Variants in HK1 observed in about 807,000 individuals in gnomAD.
HK1 encodes hexokinase-1.
A neutral mutation model predicts 91.6 loss-of-function variants in HK1; 28 were observed. The ratio of observed to expected loss-of-function variants is 0.31; its 90% CI spans 0.23 to 0.42. The LOEUF (loss-of-function observed/expected upper bound fraction) is 0.42, where lower values mean the gene tolerates loss of function less well. Among genes scored for constraint, HK1 ranks in the 10% least tolerant of loss-of-function variants. HK1 has a pLI of 1.00. For synonymous variants in HK1, 430 were observed against 468.1 expected (o/e 0.92, Z 1.05); for missense variants, 770 against 1,219.8 (o/e 0.63, Z 5.49).
At chr10:69,281,254 G>A (rs991736783) in intron 1 of HK1, among the ~76,000 whole-genome samples, 1 of 152,198 alleles carries the variant, frequency 6.6e-6, no homozygotes, top group Admixed American at 6.5e-5. Flanking sequence ...AAGGGCCCAA[G>A]AATGTGCATT....
At chr10:69,367,293 C>T (rs1270701614) in intron 4 of HK1, among the ~76,000 whole-genome samples, 1 of 152,168 alleles carries the variant, frequency 6.6e-6, no homozygotes, top group African/African-American at 2.4e-5. Context: ...ATCCAGAGGC[C>T]TGTGCATGTT....
In HK1 at chr10:69,377,036, G is replaced by A. The variant is rs150869156; in HGVS notation, c.978G>A (p.Pro326=). The change falls in exon 8 of 18, where the codon CCG becomes CCA. Residue 326 remains proline (P), a synonymous_variant. Coordinates refer to ENST00000359426, the MANE Select transcript of HK1 (RefSeq NM_000188.3). The stretch of plus-strand genomic sequence containing the variant: ...TCTTATTTGAAGGGCGGATCACCCC[G>A]GAGCTGCTCACCCGAGGGAAGTTTA... The part of the protein sequence containing the change: ...EGLLFEGRIT[P]ELLTRGKFNT... The A allele has an allele frequency of 4.1e-5, 66 of 1,614,034 alleles. No homozygotes were observed. The highest frequency in any genetic ancestry group is 5.2e-5 in the Non-Finnish European group (61 of 1,180,034).
chr10:69,329,017 A>G (rs529079675), intron 1 of HK1, among the ~76,000 whole-genome samples: 1 of 152,210 alleles, frequency 6.6e-6, no homozygotes, highest in Non-Finnish European at 1.5e-5. Flanking sequence ...ATGCTATTCC[A>G]TTGTATTTAT....
intron 17 of HK1, among the ~76,000 whole-genome samples, chr10:69,399,156 T>G (rs917004911): frequency 2.0e-5 from 3 of 152,116 alleles, no homozygotes; most frequent in Non-Finnish European, 4.4e-5. Flanking sequence ...GGCTCACTCA[T>G]AAGCCTGGTG....
chr10:69,275,354 C>T (rs1844384853), intron 1 of HK1, among the ~76,000 whole-genome samples: 1 of 151,134 alleles, frequency 6.6e-6, no homozygotes, highest in African/African-American at 2.4e-5. Flanking sequence ...GACCCCATCT[C>T]TACTAGATTA....
At chr10:69,364,698 G>A (rs776063917) in intron 3 of HK1, 85 bp from the exon 4 acceptor site, 1 of 1,510,702 alleles carries the variant, frequency 6.6e-7, no homozygotes, top group Admixed American at 1.7e-5. Context: ...TCCTTTCTGT[G>A]TGTGTGGGAG....
rs949892742 is a variant in HK1, at chr10:69,378,316, A to G, written c.1031+1227A>G. On this transcript the variant is annotated intron_variant, in intron 8 of 17. Coordinates refer to ENST00000359426, the MANE Select transcript of HK1 (RefSeq NM_000188.3). The stretch of plus-strand genomic sequence containing the variant: ...TTATAATAAAGGCTATCTCAAAAAA[A>G]AAAAAACTATAAAAACATCCTACAA... 2.6e-5 allele frequency among the ~76,000 whole-genome samples: 4 copies of G among 152,182 alleles called. No individual in the cohort carries two copies. The East Asian group carries it at 7.7e-4, about 29-fold the overall frequency.
In HK1 at chr10:69,368,530, T is replaced by C. The variant is rs771812049; in HGVS notation, c.496-6T>C. 1.2e-6 allele frequency: 2 copies of C among 1,613,756 alleles called. No individual in the cohort carries two copies. Among genetic ancestry groups the C allele is most frequent in the Non-Finnish European group, 1.7e-6 (2 of 1,179,648 alleles). Reference sequence around the variant, plus strand: ...CTCATCCAGCCCCATCCATTCTTCTTTGCAGGCCATCCTGATCACCTGGAC... The same window carrying C: ...CTCATCCAGCCCCATCCATTCTTCTCTGCAGGCCATCCTGATCACCTGGAC... On this transcript the variant is annotated splice_polypyrimidine_tract_variant and splice_region_variant and intron_variant, in intron 4 of 17. Coordinates refer to ENST00000359426, the MANE Select transcript of HK1 (RefSeq NM_000188.3).
At chr10:69,279,264 C>G (rs961059535) in intron 1 of HK1, among the ~76,000 whole-genome samples, 1 of 152,176 alleles carries the variant, frequency 6.6e-6, no homozygotes, top group Non-Finnish European at 1.5e-5. Context: ...TCTCTCTGCC[C>G]TCTTCCTCAT....
intron 1 of HK1, among the ~76,000 whole-genome samples, chr10:69,337,567 G>T (rs962828328): frequency 1.3e-5 from 2 of 152,226 alleles, no homozygotes; most frequent in Non-Finnish European, 2.9e-5. Flanking sequence ...AAGCACCCAG[G>T]ACCCGTTCTC....
chr10:69,283,474 T>A (rs75498596), intron 2 of HK1, among the ~76,000 whole-genome samples: 3,115 of 143,460 alleles, frequency 0.022, 120 homozygotes, highest in African/African-American at 0.074. Flanking sequence ...AATAATAATA[T>A]AAATAAAAAT....
upstream of HK1, chr10:69,318,236 G>C: frequency 1.0e-6 from 1 of 985,372 alleles, no homozygotes; most frequent in South Asian, 4.7e-5. Flanking sequence ...GAAGACCCAG[G>C]TAGGCCGGTG....
intron 7 of HK1, among the ~76,000 whole-genome samples, chr10:69,371,681 C>T (rs1850013633): frequency 6.6e-6 from 1 of 152,144 alleles, no homozygotes; most frequent in Admixed American, 6.5e-5. Context: ...GTTTGGGAAC[C>T]CTGCATGGCT....
At chr10:69,305,151 A>G (rs1846046075) in intron 5 of HK1, among the ~76,000 whole-genome samples, 1 of 152,040 alleles carries the variant, frequency 6.6e-6, no homozygotes, top group Non-Finnish European at 1.5e-5. Context: ...ATCTCCAGCC[A>G]CTCTGCCTGT....
chr10:69,283,124 C>CAAA (rs34547808), intron 2 of HK1, among the ~76,000 whole-genome samples: 22 of 60,824 alleles, frequency 3.6e-4, no homozygotes, highest in South Asian at 7.2e-4. Flanking sequence ...AACTCAGTTT[C>CAAA]AAAAAAAAAA....
chr10:69,382,418 AG>A (rs1353701223), intron 9 of HK1, 68 bp from the exon 10 acceptor site: 1 of 1,469,478 alleles, frequency 6.8e-7, no homozygotes, highest in African/African-American at 1.4e-5. Flanking sequence ...GGAGAAAGAA[AG>A]GGTGGCCGGA....
At chr10:69,279,507 T>C (rs966465092) in intron 1 of HK1, among the ~76,000 whole-genome samples, 3 of 152,196 alleles carry the variant, frequency 2.0e-5, no homozygotes, top group Admixed American at 2.0e-4. Flanking sequence ...GTTTGCAGGA[T>C]GTGCAGAATG....
Position 69,401,535 on chromosome 10 carries a change from G to A in HK1, c.*400G>A. On this transcript the variant is annotated 3_prime_UTR_variant, in exon 18 of 18. Transcript: ENST00000359426. ...GGGGTTCCCCCTCCCTGTGTGAAATGTATTATCACCAGCAGACACTGCCGG... is the reference window on the plus strand; with the variant it reads ...GGGGTTCCCCCTCCCTGTGTGAAATATATTATCACCAGCAGACACTGCCGG... 1 of 354,558 alleles carries A rather than the reference G, an allele frequency of 2.8e-6. No homozygotes were observed. The highest frequency in any genetic ancestry group is 3.8e-4 in the Middle Eastern group (1 of 2,634). 22.0% of individuals were successfully genotyped at this position (354,558 alleles called of 1,614,324 possible).
chr10:69,290,859 C>A (rs1466691120), intron 3 of HK1, among the ~76,000 whole-genome samples: 1 of 152,174 alleles, frequency 6.6e-6, no homozygotes, highest in Non-Finnish European at 1.5e-5. Flanking sequence ...ACTGGAAGCT[C>A]TCAGCCTCAT....
Sources: allele counts gnomAD v4.1 joint callset (sites outside exome capture counted in the v4.1 genomes callset), GRCh38; gene constraint gnomAD v4.1.1; transcripts MANE v1.5; gene names NCBI Gene and HGNC (gene_info 2026-07-23, HGNC 2026-07-21).